The following RYR2 variants were observed in gnomAD, a reference collection of about 807,000 sequenced individuals.
RYR2 encodes the protein cardiac muscle ryanodine receptor-calcium release channel.
A neutral mutation model predicts 601.1 loss-of-function variants in RYR2; 227 were observed. That is an observed-to-expected ratio of 0.38 (90% confidence interval 0.34 to 0.42). The LOEUF (loss-of-function observed/expected upper bound fraction) is 0.42, where lower values mean the gene tolerates loss of function less well. RYR2 is among the 10% of genes least tolerant of loss of function. The pLI, the probability that RYR2 is intolerant of heterozygous loss-of-function variation, is 1.00. For synonymous variants in RYR2, 2,223 were observed against 2,175.1 expected, an observed-to-expected ratio of 1.02 and a Z score of -0.61; for missense variants, 4,646 against 6,156.5, an observed-to-expected ratio of 0.75 and a Z score of 8.21.
chr1:237,058,938 G>A (rs1662515843), intron 1 of RYR2, among the ~76,000 whole-genome samples: 2 of 151,394 alleles, frequency 1.3e-5, no homozygotes, highest in African/African-American at 4.9e-5. Context: ...CTCTAGTTTT[G>A]GTCCTGACTA....
chr1:237,555,951 A>G (rs996271090), intron 27 of RYR2, among the ~76,000 whole-genome samples: 1 of 152,170 alleles, frequency 6.6e-6, no homozygotes. Flanking sequence ...TTTTAAAGAT[A>G]TTGTCACTTA....
Position 237,423,134 on chromosome 1 carries a change from A to G in RYR2, c.891A>G (p.Leu297=). 1 of 1,613,948 alleles carries G rather than the reference A, an allele frequency of 6.2e-7. No individual in the cohort carries two copies. Among genetic ancestry groups the G allele is most frequent in the Non-Finnish European group, 8.5e-7 (1 of 1,179,842 alleles). ...TAAGATGGGGACAGCCATTCCGACT[A>G]CGCCATGTCACAACAGGAAAATACT... ...SHIRWGQPFR[L]RHVTTGKYLS... The change falls in exon 12 of 105, where the codon CTA becomes CTG. Residue 297 remains leucine, a synonymous_variant. Coordinates refer to ENST00000366574, the MANE Select transcript of RYR2 (RefSeq NM_001035.3).
intron 29 of RYR2, among the ~76,000 whole-genome samples, chr1:237,584,047 G>A (rs1408187482): frequency 6.6e-6 from 1 of 152,196 alleles, no homozygotes; most frequent in East Asian, 1.9e-4. Context: ...AAGATCCACT[G>A]CCAGAATGAA....
intron 71 of RYR2, among the ~76,000 whole-genome samples, chr1:237,715,336 C>T (rs933347552): frequency 6.6e-6 from 1 of 152,112 alleles, no homozygotes; most frequent in Non-Finnish European, 1.5e-5. Flanking sequence ...CCAATATGTG[C>T]GTACAGGAGG....
chr1:237,828,574 C>T (rs1172867605), intron 102 of RYR2, 129 bp downstream of exon 102: 17 of 605,028 alleles, frequency 2.8e-5, no homozygotes, highest in Non-Finnish European at 3.8e-5. Context: ...GTTTCACTGG[C>T]GTGTTTTCCA....
chr1:237,225,489 C>T (rs555891885), intron 1 of RYR2, among the ~76,000 whole-genome samples: 1 of 152,264 alleles, frequency 6.6e-6, no homozygotes, highest in Admixed American at 6.5e-5. Context: ...GTGAGACTTA[C>T]TCGCTACCAT....
chr1:237,289,522 G>A (rs529229428), intron 2 of RYR2, among the ~76,000 whole-genome samples: 1 of 152,270 alleles, frequency 6.6e-6, no homozygotes, highest in East Asian at 1.9e-4. Context: ...GAAGTGCTGT[G>A]CAAAGAGGGA....
intron 1 of RYR2, among the ~76,000 whole-genome samples, chr1:237,154,581 G>T (rs1178735511): frequency 6.6e-6 from 1 of 152,140 alleles, no homozygotes; most frequent in Non-Finnish European, 1.5e-5. Context: ...ATGAGGCTGA[G>T]GAGGGAGGAT....
intron 17 of RYR2, among the ~76,000 whole-genome samples, chr1:237,473,477 C>CTTTCTTTCTTTCTTCTTCTTTCT (rs1553464755): frequency 3.4e-5 from 5 of 145,666 alleles, no homozygotes; most frequent in Non-Finnish European, 4.6e-5. Flanking sequence ...ATCTATCTAT[C>CTTTCTTTCTTTCTTCTTCTTTCT]TGGCATATAT....
intron 80 of RYR2, among the ~76,000 whole-genome samples, chr1:237,747,175 G>C (rs1558333910): frequency 6.6e-6 from 1 of 152,320 alleles, no homozygotes; most frequent in East Asian, 1.9e-4. Context: ...AAGAGGAATG[G>C]AATGTTAACT....
At chr1:237,207,631 G>A (rs563043134) in intron 1 of RYR2, among the ~76,000 whole-genome samples, 5 of 152,222 alleles carry the variant, frequency 3.3e-5, no homozygotes, top group Admixed American at 2.6e-4. Flanking sequence ...ACCGGATGCC[G>A]GCTCCTTGAT....
At position 237,511,834 on chromosome 1, in the gene RYR2, G is replaced by GA. The variant is rs71561879; in HGVS notation, c.2822+68dup. On this transcript the variant is annotated intron_variant, in intron 24 of 104. Transcript: ENST00000366574. The stretch of plus-strand genomic sequence containing the variant: ...TTCTATTTTCCAACCTGCCTTCCCT[G>GA]AAAAAAAAAAAAAAAAAAAAAAAAA... The GA allele has an allele frequency of 0.15, 27,383 of 187,472 alleles. 4,727 individuals are homozygous for GA. Among genetic ancestry groups the GA allele is most frequent in the Admixed American group, 0.18 (1,707 of 9,482 alleles). The allele number at this position is 187,472 out of a possible 1,614,324, so 11.6% of individuals were successfully genotyped here.
intron 1 of RYR2, among the ~76,000 whole-genome samples, chr1:237,230,284 A>C (rs879804563): frequency 6.6e-6 from 1 of 152,200 alleles, no homozygotes; most frequent in Non-Finnish European, 1.5e-5. Flanking sequence ...ATTATCCCTA[A>C]TGCTATTTTA....
rs1162508252 is a variant in RYR2 at position 237,589,893 on chromosome 1, A to G, written c.3699A>G (p.Gln1233=). 1.9e-6 allele frequency: 3 copies of G among 1,613,842 alleles called. No individual in the cohort carries two copies. Among genetic ancestry groups the G allele is most frequent in the African/African-American group, 2.7e-5 (2 of 74,926 alleles). The stretch of plus-strand genomic sequence containing the variant: ...AATATTTCACCATCTGTGGCTTACA[A>G]GAGGGCTATGAACCATTTGCCGTTA... ...TLKYFTICGL[Q]EGYEPFAVNT... The change falls in exon 30 of 105, where the codon CAA becomes CAG. Residue 1233 remains glutamine (Q), a synonymous_variant. Transcript: ENST00000366574.
intron 56 of RYR2, among the ~76,000 whole-genome samples, chr1:237,663,881 A>G (rs1684041338): frequency 6.6e-6 from 1 of 152,232 alleles, no homozygotes; most frequent in Non-Finnish European, 1.5e-5. Context: ...ACTTAAGGAC[A>G]TGAATAATAC....
intron 4 of RYR2, among the ~76,000 whole-genome samples, chr1:237,361,778 C>T (rs913655903): frequency 6.6e-6 from 1 of 152,180 alleles, no homozygotes; most frequent in African/African-American, 2.4e-5. Flanking sequence ...AGCTTTGCTA[C>T]ATTACCTGAA....
intron 42 of RYR2, among the ~76,000 whole-genome samples, chr1:237,631,837 C>G (rs956562117): frequency 3.4e-5 from 5 of 148,220 alleles, no homozygotes; most frequent in Non-Finnish European, 5.9e-5. Context: ...ACTGTGTTAG[C>G]CAGGATGGTC....
At chr1:237,829,052 T>A (rs561582869) in intron 102 of RYR2, among the ~76,000 whole-genome samples, 17 of 152,310 alleles carry the variant, frequency 1.1e-4, no homozygotes, top group Admixed American at 3.9e-4. Context: ...GCAGGTTTTT[T>A]TCTTAGCAGC....
intron 42 of RYR2, 72 bp downstream of exon 42, chr1:237,631,613 A>ATTTTTTTTTTTTTTTTTTTTTTTCTTTTT: frequency 5.2e-6 from 1 of 191,274 alleles, no homozygotes; most frequent in Non-Finnish European, 8.6e-6. Flanking sequence ...TAGAATGCAG[A>ATTTTTTTTTTTTTTTTTTTTTTTCTTTTT]TTTTTTTTTT....
Sources: gnomAD v4.1 joint callset for allele counts (sites outside exome capture counted in the v4.1 genomes callset) on GRCh38, gnomAD v4.1.1 for gene constraint, MANE v1.5 for transcripts, NCBI Gene and HGNC (gene_info 2026-07-23, HGNC 2026-07-21) for gene names.